Variants in SRSF11 observed in about 807,000 individuals in gnomAD.
SRSF11 encodes serine and arginine rich splicing factor 11, also known as serine/arginine-rich splicing factor 11.
Under a neutral mutation model 56.0 loss-of-function variants are expected in SRSF11, and 9 were observed. That is an observed-to-expected ratio of 0.16 (90% CI 0.10 to 0.28). The LOEUF is 0.28. SRSF11 is among the 10% of genes least tolerant of loss of function. SRSF11 has a pLI of 1.00. For synonymous variants in SRSF11, 222 were observed against 215.3 expected, an observed-to-expected ratio of 1.03 and a Z score of -0.27; for missense variants, 421 against 600.7, an observed-to-expected ratio of 0.70 and a Z score of 3.13.
upstream of SRSF11, chr1:70,220,964 T>A (rs1670491448): frequency 6.6e-6 from 1 of 152,244 alleles, no homozygotes; most frequent in Non-Finnish European, 1.5e-5. Context: ...ACAGATTTAA[T>A]GTTACCAAAA....
At chr1:70,213,958 A>AAAAGCATTCAATT (rs1353569303) in intron 1 of SRSF11, among the ~76,000 whole-genome samples, 1 of 152,214 alleles carries the variant, frequency 6.6e-6, no homozygotes, top group Non-Finnish European at 1.5e-5. Context: ...CTTATTAATG[A>AAAAGCATTCAATT]AATGTACTGA....
At chr1:70,236,708 G>A (rs990169974) in intron 5 of SRSF11, among the ~76,000 whole-genome samples, 5 of 150,922 alleles carry the variant, frequency 3.3e-5, no homozygotes, top group African/African-American at 1.2e-4. Context: ...TGTAATTTTG[G>A]TAGGCCTTTG....
intron 1 of SRSF11, 131 bp from the exon 2 acceptor site, chr1:70,228,287 TTTTG>T (rs1672247951): frequency 1.6e-6 from 1 of 608,450 alleles, no homozygotes; most frequent in Non-Finnish European, 2.8e-6. Context: ...GAATGTTTTC[TTTTG>T]AATTTAACTA....
intron 2 of SRSF11, 136 bp from the exon 3 acceptor site, chr1:70,232,132 C>G (rs1417763969): frequency 6.4e-7 from 1 of 1,554,304 alleles, no homozygotes. Flanking sequence ...TCATAGAAAT[C>G]AAGCTTTGTA....
Position 70,221,385 on chromosome 1 carries a change from C to A in SRSF11, c.-252C>A, listed in dbSNP as rs540924593. The stretch of plus-strand genomic sequence containing the variant: ...TGTGGGAGCTCGGGCCCGCTAGTGT[C>A]GTGGTTGGAGGCGAGGTGGGGCGGC... On this transcript the variant is annotated 5_prime_UTR_variant, in exon 1 of 12. Transcript: ENST00000370949. 1.2e-5 allele frequency: 6 copies of A among 518,556 alleles called. No individual in the cohort carries two copies. The highest frequency in any genetic ancestry group is 6.8e-5 in the East Asian group (2 of 29,288). 32.1% of individuals were successfully genotyped at this position (518,556 alleles called of 1,614,324 possible).
Position 70,221,711 on chromosome 1 carries a change from T to TGGCGGCGGA in SRSF11, c.84_92dup (p.Gly29_Gly31dup). 6.2e-7 allele frequency: 1 copy of TGGCGGCGGA among 1,612,770 alleles called. No individual in the cohort carries two copies. The highest frequency in any genetic ancestry group is 8.5e-7 in the Non-Finnish European group (1 of 1,179,468). On this transcript the variant is annotated inframe_insertion, in exon 1 of 12. Transcript: ENST00000370949. Reference sequence around the variant, plus strand: ...GCGGGCCCGGTGGCGGAGGTGGTGGTGGCGGCGGAGGCGGCGGCACCGAGG... The same window carrying TGGCGGCGGA: ...GCGGGCCCGGTGGCGGAGGTGGTGGTGGCGGCGGAGGCGGCGGAGGCGGCGGCACCGAGG...
chr1:70,220,205 T>C (rs189036458), upstream of SRSF11, among the ~76,000 whole-genome samples: 88 of 152,314 alleles, frequency 5.8e-4, no homozygotes, highest in Non-Finnish European at 9.7e-4. Context: ...GAGGAAGCCC[T>C]AACAGCTTGC....
intron 3 of SRSF11, among the ~76,000 whole-genome samples, chr1:70,234,245 A>G (rs941611730): frequency 2.6e-5 from 4 of 152,190 alleles, no homozygotes; most frequent in Non-Finnish European, 4.4e-5. Flanking sequence ...TATCATGGCA[A>G]CTGTCAAAGG....
chr1:70,230,549 T>A (rs1281772107), intron 2 of SRSF11: 1 of 1,277,968 alleles, frequency 7.8e-7, no homozygotes, highest in Non-Finnish European at 1.0e-6. Context: ...TTCTACACAT[T>A]CATGCAGTAT....
At chr1:70,230,927 C>A (rs995892461) in intron 2 of SRSF11, 19 of 1,194,154 alleles carry the variant, frequency 1.6e-5, no homozygotes, top group Non-Finnish European at 2.0e-5. Context: ...CTCCCCCTTC[C>A]CCTCCATAAC....
intron 2 of SRSF11, chr1:70,230,695 A>C: frequency 8.2e-7 from 1 of 1,220,980 alleles, no homozygotes; most frequent in Non-Finnish European, 1.0e-6. Flanking sequence ...GATCAGATGC[A>C]TGACTTTTTT....
At position 70,221,499 on chromosome 1, in the gene SRSF11, C is replaced by T. The variant is rs1469250070; in HGVS notation, c.-138C>T. On this transcript the variant is annotated 5_prime_UTR_variant, in exon 1 of 12. Transcript: ENST00000370949. ...GGCGGAGAAACGGCGGCGGCGGCGG[C>T]GGCATCGGCAGCAGTAGCAGAGGCT... 4.0e-6 allele frequency: 5 copies of T among 1,246,358 alleles called. No homozygotes were observed. The highest frequency in any genetic ancestry group is 1.6e-5 in the South Asian group (1 of 62,342). The allele number at this position is 1,246,358 out of a possible 1,614,324, so 77.2% of individuals were successfully genotyped here. A position where few individuals can be genotyped will look rare whatever the true frequency, so the allele number is the denominator to read the frequency against.
rs199517989 is a variant in SRSF11, at chr1:70,228,518, C to T, written c.300C>T (p.Phe100=). 410 of 1,613,370 alleles carry T rather than the reference C, an allele frequency of 2.5e-4. 2 individuals carry two copies. The Admixed American group carries it at 6.0e-3, about 24-fold the overall frequency. Residue 100 remains phenylalanine (F), a synonymous_variant, in exon 2 of 12, where the codon TTC becomes TTT. Transcript: ENST00000370949. ...VVAQHLTNTV[F]VDRALIVVPY... is the part of the protein sequence containing the mutation. ...CACAGCATCTGACAAACACTGTATT[C>T]GTTGACAGAGCTTTGATAGTCGTAC... is the stretch of plus-strand genomic sequence containing the variant.
At chr1:70,241,642 CAT>C (rs1276899439) in intron 7 of SRSF11, among the ~76,000 whole-genome samples, 2 of 152,218 alleles carry the variant, frequency 1.3e-5, no homozygotes, top group Non-Finnish European at 2.9e-5. Context: ...ATTGCCTCAA[CAT>C]ACCATTTTCT....
chr1:70,244,450 G>A (rs1236218509), intron 7 of SRSF11, among the ~76,000 whole-genome samples: 1 of 152,118 alleles, frequency 6.6e-6, no homozygotes, highest in African/African-American at 2.4e-5. Context: ...GGACCTATCT[G>A]ACAGGTTGAG....
chr1:70,215,341 AATAC>A, intron 1 of SRSF11, among the ~76,000 whole-genome samples: 1 of 152,314 alleles, frequency 6.6e-6, no homozygotes, highest in South Asian at 2.1e-4. Flanking sequence ...AAATGGAACA[AATAC>A]ATACCATCTT....
upstream of SRSF11, chr1:70,221,008 A>T (rs902523748): frequency 1.3e-5 from 2 of 152,226 alleles, no homozygotes; most frequent in African/African-American, 4.8e-5. Flanking sequence ...GACATTTTAT[A>T]CTGGTGGTGG....
In SRSF11 at chr1:70,205,863, C is replaced by T. The variant is rs149279395; in HGVS notation, c.-26+83C>T. On this transcript the variant is annotated intron_variant, in intron 1 of 12. Transcript: ENST00000370950. ...TGCGACTCCAACCTTCTCCTCTGTG[C>T]TTCCACCGTGGCGAGGGTGTGGGGA... is the stretch of plus-strand genomic sequence containing the variant. 646 of 211,454 alleles carry T rather than the reference C, an allele frequency of 3.1e-3. 4 individuals carry two copies. Among genetic ancestry groups the T allele is most frequent in the African/African-American group, 0.013 (589 of 44,062 alleles). The allele number at this position is 211,454 out of a possible 1,614,324, so 13.1% of individuals were successfully genotyped here. A position where few individuals can be genotyped will look rare whatever the true frequency, so the allele number is the denominator to read the frequency against.
chr1:70,227,108 A>G (rs1258996233), intron 1 of SRSF11, among the ~76,000 whole-genome samples: 1 of 152,192 alleles, frequency 6.6e-6, no homozygotes, highest in Non-Finnish European at 1.5e-5. Context: ...GGCCATATAT[A>G]GCATCATGTT....
Sources: gnomAD v4.1 joint callset for allele counts (sites outside exome capture counted in the v4.1 genomes callset) on GRCh38, gnomAD v4.1.1 for gene constraint, MANE v1.5 for transcripts, NCBI Gene and HGNC (gene_info 2026-07-23, HGNC 2026-07-21) for gene names.